HDAC9: variants seen among roughly 807,000 people sequenced by gnomAD.
HDAC9 encodes histone deacetylase 9, also known as MEF-2 interacting transcription repressor (MITR) protein.
Under a neutral mutation model 139.4 loss-of-function variants are expected in HDAC9, and 41 were observed. The ratio of observed to expected loss-of-function variants is 0.29; its 90% CI spans 0.23 to 0.38. HDAC9 has a LOEUF of 0.38. HDAC9 is among the 10% of genes least tolerant of loss of function. HDAC9 has a pLI of 1.00. For synonymous variants in HDAC9, 517 were observed against 476.2 expected, an observed-to-expected ratio of 1.09 and a Z score of -1.12; for missense variants, 1,147 against 1,297.0, an observed-to-expected ratio of 0.88 and a Z score of 1.78.
chr7:18,892,585 G>A (rs1297688411), intron 22 of HDAC9: 1 of 152,102 alleles, frequency 6.6e-6, no homozygotes, highest in Admixed American at 6.6e-5. Context: ...TCTCCTGGAA[G>A]GTCATATTGT....
At chr7:18,592,253 C>A (rs1303428124) in intron 5 of HDAC9, among the ~76,000 whole-genome samples, 2 of 152,112 alleles carry the variant, frequency 1.3e-5, no homozygotes, top group African/African-American at 2.4e-5. Flanking sequence ...CACCTCACTT[C>A]ATTTCTTCCC....
At chr7:18,330,135 G>A (rs186266353) in intron 1 of HDAC9, among the ~76,000 whole-genome samples, 43 of 151,604 alleles carry the variant, frequency 2.8e-4, no homozygotes, top group African/African-American at 9.4e-4. Context: ...TTTTCTGCTT[G>A]CCAAATGAAG....
chr7:18,295,457 A>T (rs1458947866), intron 1 of HDAC9, among the ~76,000 whole-genome samples: 2 of 152,194 alleles, frequency 1.3e-5, no homozygotes, highest in Non-Finnish European at 2.9e-5. Flanking sequence ...TAACATACTG[A>T]CTAATCAGTT....
At chr7:18,505,406 C>T (rs539580600) in intron 2 of HDAC9, among the ~76,000 whole-genome samples, 1 of 152,272 alleles carries the variant, frequency 6.6e-6, no homozygotes, top group Non-Finnish European at 1.5e-5. Context: ...TATATCACCA[C>T]TCAAATCCTA....
chr7:18,955,735 C>T (rs901032424), intron 24 of HDAC9, among the ~76,000 whole-genome samples: 1 of 152,040 alleles, frequency 6.6e-6, no homozygotes, highest in Non-Finnish European at 1.5e-5. Flanking sequence ...AGACAAGGGG[C>T]GGTCTGTTTC....
intron 1 of HDAC9, among the ~76,000 whole-genome samples, chr7:18,310,070 G>C (rs906947142): frequency 1.3e-5 from 2 of 148,718 alleles, no homozygotes; most frequent in African/African-American, 4.9e-5. Context: ...TGATCATTCA[G>C]ATGCACACTT....
chr7:18,716,843 T>C (rs2129119568), intron 12 of HDAC9, among the ~76,000 whole-genome samples: 1 of 152,290 alleles, frequency 6.6e-6, no homozygotes, highest in Middle Eastern at 3.4e-3. Flanking sequence ...TCCAATTCCC[T>C]CTGCTTCTGT....
intron 1 of HDAC9, among the ~76,000 whole-genome samples, chr7:18,300,749 C>A (rs941065201): frequency 1.3e-5 from 2 of 152,016 alleles, no homozygotes; most frequent in Non-Finnish European, 2.9e-5. Context: ...CTAGCAAAGC[C>A]GTATTTTGTC....
intron 2 of HDAC9, among the ~76,000 whole-genome samples, chr7:18,233,371 T>C (rs1793597093): frequency 6.6e-6 from 1 of 151,970 alleles, no homozygotes; most frequent in African/African-American, 2.4e-5. Context: ...TCTTGGACCA[T>C]TAATTATGCC....
chr7:18,904,156 G>C (rs1718488645), intron 22 of HDAC9, among the ~76,000 whole-genome samples: 2 of 152,138 alleles, frequency 1.3e-5, no homozygotes. Context: ...AGTAGATAAA[G>C]TTTACTTTCT....
intron 12 of HDAC9, among the ~76,000 whole-genome samples, chr7:18,677,822 A>C (rs1781617879): frequency 6.6e-6 from 1 of 151,962 alleles, no homozygotes; most frequent in Non-Finnish European, 1.5e-5. Context: ...TTTGAAGAGC[A>C]GAATATTTAA....
intron 22 of HDAC9, among the ~76,000 whole-genome samples, chr7:18,903,111 GTT>G (rs1288600297): frequency 6.6e-6 from 1 of 152,210 alleles, no homozygotes; most frequent in Non-Finnish European, 1.5e-5. Context: ...GAGAATACAT[GTT>G]TGATCAGAGT....
At chr7:18,747,102 T>C (rs1459139582) in intron 13 of HDAC9, among the ~76,000 whole-genome samples, 2 of 152,122 alleles carry the variant, frequency 1.3e-5, no homozygotes, top group Non-Finnish European at 2.9e-5. Flanking sequence ...TTTGATCTTT[T>C]TGAGGAAAGG....
chr7:18,093,720 A>G (rs1330384520), intron 1 of HDAC9, among the ~76,000 whole-genome samples: 2 of 152,250 alleles, frequency 1.3e-5, no homozygotes, highest in Non-Finnish European at 1.5e-5. Context: ...GGTTCTTTCT[A>G]TAGCTTTTTC....
chr7:18,825,939 G>A (rs1241429878), intron 17 of HDAC9, among the ~76,000 whole-genome samples: 1 of 149,858 alleles, frequency 6.7e-6, no homozygotes, highest in East Asian at 1.9e-4. Context: ...TCAGAAGCTT[G>A]AGCCTATTTG....
intron 2 of HDAC9, among the ~76,000 whole-genome samples, chr7:18,282,702 A>G (rs1797177701): frequency 1.3e-5 from 2 of 152,084 alleles, no homozygotes; most frequent in Admixed American, 6.6e-5. Context: ...ATCCATACCA[A>G]TCCACCGGGG....
chr7:18,987,557 G>A (rs569812942), intron 25 of HDAC9, among the ~76,000 whole-genome samples: 3 of 152,280 alleles, frequency 2.0e-5, no homozygotes, highest in African/African-American at 7.2e-5. Context: ...GCCAGGCTTT[G>A]GTATCAGGAT....
intron 14 of HDAC9, among the ~76,000 whole-genome samples, chr7:18,757,784 A>C (rs985864674): frequency 1.3e-5 from 2 of 152,232 alleles, no homozygotes; most frequent in South Asian, 4.1e-4. Flanking sequence ...ATCCTGTCAC[A>C]GTATGACTTT....
intron 1 of HDAC9, among the ~76,000 whole-genome samples, chr7:18,137,502 A>G (rs1271089316): frequency 1.3e-4 from 19 of 151,942 alleles, no homozygotes; most frequent in Admixed American, 9.8e-4. Context: ...TTATTGAGAG[A>G]TTTTAGCATG....
Sources: gnomAD v4.1 joint callset for allele counts (sites outside exome capture counted in the v4.1 genomes callset) on GRCh38, gnomAD v4.1.1 for gene constraint, MANE v1.5 for transcripts, NCBI Gene and HGNC (gene_info 2026-07-23, HGNC 2026-07-21) for gene names.